The following CPPED1 variants were observed in gnomAD, a reference collection of about 807,000 sequenced individuals.
CPPED1 encodes the protein serine/threonine-protein phosphatase CPPED1.
Under a neutral mutation model 28.0 loss-of-function variants are expected in CPPED1, and 28 were observed. That is an observed-to-expected ratio of 1.00 (90% CI 0.74 to 1.37). The LOEUF is 1.37. Ranked by LOEUF, CPPED1 falls within the 40% of genes most tolerant of loss-of-function variation. CPPED1 has a pLI of 0.00. For missense variants in CPPED1, 504 were observed against 416.5 expected (o/e 1.21, Z -1.83); for synonymous variants, 198 against 180.2 (o/e 1.10, Z -0.79).
At chr16:12,763,089 G>A (rs550053482) in intron 2 of CPPED1, among the ~76,000 whole-genome samples, 18 of 151,970 alleles carry the variant, frequency 1.2e-4, no homozygotes, top group Admixed American at 5.9e-4. Context: ...AAAATTAGCC[G>A]GGTGTGGTGG....
chr16:12,767,515 T>C (rs1206924369), intron 2 of CPPED1, among the ~76,000 whole-genome samples: 1 of 152,174 alleles, frequency 6.6e-6, no homozygotes, highest in Non-Finnish European at 1.5e-5. Flanking sequence ...TGATGAGAGC[T>C]GTGGACCTTC....
At position 12,695,368 on chromosome 16, in the gene CPPED1, G is replaced by C. The variant is rs536580170; in HGVS notation, c.715+9256C>G. Among the ~76,000 whole-genome samples the C allele has an allele frequency of 8.5e-5, 13 of 152,146 alleles. No individual in the cohort carries two copies. In the South Asian group the frequency reaches 2.5e-3, roughly 29 times the overall value. Reference sequence around the variant, plus strand: ...CAGACTTGGCTTCCGGGGCTCAAGCGATCCTCCCACCTCAGCCTTCTGAGT... The same window carrying C: ...CAGACTTGGCTTCCGGGGCTCAAGCCATCCTCCCACCTCAGCCTTCTGAGT... On this transcript the variant is annotated intron_variant, in intron 3 of 3. Transcript: ENST00000381774.
rs559719532 is a variant in CPPED1, at chr16:12,799,588, C to T, written c.70+4119G>A. Among the ~76,000 whole-genome samples the T allele has an allele frequency of 6.6e-5, 10 of 152,338 alleles. No homozygotes were observed. The South Asian group carries it at 2.1e-3, about 32-fold the overall frequency. On this transcript the variant is annotated intron_variant, in intron 1 of 3. Coordinates refer to ENST00000381774, the MANE Select transcript of CPPED1 (RefSeq NM_018340.3). ...TAACTTTCTCAGTCTGCCCAAGGGG[C>T]AAATCTACTGGCTTCCCAAGGAGTC...
chr16:12,780,185 G>A (rs528571868), intron 2 of CPPED1, among the ~76,000 whole-genome samples: 188 of 151,928 alleles, frequency 1.2e-3, no homozygotes, highest in Non-Finnish European at 2.1e-3. Flanking sequence ...GTTTGTTTGT[G>A]TTTTGTTTTT....
At chr16:12,668,197 G>C (rs2079835776) in intron 3 of CPPED1, among the ~76,000 whole-genome samples, 1 of 152,108 alleles carries the variant, frequency 6.6e-6, no homozygotes, top group East Asian at 1.9e-4. Flanking sequence ...AATCTTCACT[G>C]AATGAATTGC....
intron 2 of CPPED1, among the ~76,000 whole-genome samples, chr16:12,728,922 C>A (rs1258705891): frequency 6.6e-6 from 1 of 152,180 alleles, no homozygotes; most frequent in Non-Finnish European, 1.5e-5. Flanking sequence ...GGTGAGCTCA[C>A]TGGGGCGGGA....
At chr16:12,796,689 T>G (rs903901198) in intron 1 of CPPED1, among the ~76,000 whole-genome samples, 1 of 152,138 alleles carries the variant, frequency 6.6e-6, no homozygotes, top group African/African-American at 2.4e-5. Context: ...ATATTAAACA[T>G]AGTTACCGTA....
chr16:12,800,890 C>CACTT lies in CPPED1; in HGVS notation c.70+2813_70+2816dup, dbSNP rs554467654. On this transcript the variant is annotated intron_variant, in intron 1 of 3. Transcript: ENST00000381774. ...CTCTTTTAGCAATCAGACGAAGCAACACTTCCTCAGGGAAACCCTGCGTGA... is the reference window on the plus strand; with the variant it reads ...CTCTTTTAGCAATCAGACGAAGCAACACTTACTTCCTCAGGGAAACCCTGCGTGA... Among the ~76,000 whole-genome samples, 621 of 152,212 alleles carry CACTT rather than the reference C, an allele frequency of 4.1e-3. 2 individuals are homozygous for CACTT. Among genetic ancestry groups the CACTT allele is most frequent in the Middle Eastern group, 0.017 (5 of 294 alleles).
At chr16:12,797,650 A>C (rs2080635785) in intron 1 of CPPED1, among the ~76,000 whole-genome samples, 1 of 152,208 alleles carries the variant, frequency 6.6e-6, no homozygotes, top group Non-Finnish European at 1.5e-5. Context: ...GCCACAACGG[A>C]AGAACTGTCT....
Position 12,781,184 on chromosome 16 carries a change from C to T in CPPED1, c.289+1G>A. 1.9e-6 allele frequency: 3 copies of T among 1,611,416 alleles called. No individual in the cohort carries two copies. In the South Asian group the frequency reaches 3.3e-5, roughly 18 times the overall value. On this transcript the variant is annotated splice_donor_variant, in intron 2 of 3. Transcript: ENST00000381774. LOFTEE classifies it high-confidence loss of function. The stretch of plus-strand genomic sequence containing the variant: ...GTCACAAGCGATGACCCGAGTCTTA[C>T]CTGGCATGGCGTGGATGAGGTCGCC...
intron 2 of CPPED1, among the ~76,000 whole-genome samples, chr16:12,773,807 T>C (rs550586257): frequency 1.3e-5 from 2 of 152,332 alleles, no homozygotes; most frequent in East Asian, 1.9e-4. Flanking sequence ...CAATCTGTGG[T>C]GATTTGGCAT....
chr16:12,697,083 G>A (rs1266228304), intron 3 of CPPED1, among the ~76,000 whole-genome samples: 1 of 151,966 alleles, frequency 6.6e-6, no homozygotes, highest in African/African-American at 2.4e-5. Flanking sequence ...GGAGTGCAGT[G>A]GCGCAATCTC....
At chr16:12,729,904 G>A (rs367974488) in intron 2 of CPPED1, among the ~76,000 whole-genome samples, 5 of 152,088 alleles carry the variant, frequency 3.3e-5, no homozygotes, top group East Asian at 1.9e-4. Flanking sequence ...CTCTGTTGCC[G>A]AGGCTGGAGT....
intron 3 of CPPED1, among the ~76,000 whole-genome samples, chr16:12,680,167 T>TA (rs1472959266): frequency 6.6e-6 from 1 of 152,176 alleles, no homozygotes; most frequent in Non-Finnish European, 1.5e-5. Flanking sequence ...TCAATTCCCC[T>TA]AAAAATCATT....
chr16:12,795,255 C>T (rs1190227099), intron 1 of CPPED1, among the ~76,000 whole-genome samples: 1 of 152,222 alleles, frequency 6.6e-6, no homozygotes, highest in Non-Finnish European at 1.5e-5. Context: ...AGATGTGCTC[C>T]ATGTGAGGGC....
At chr16:12,696,003 T>C (rs76720316) in intron 3 of CPPED1, among the ~76,000 whole-genome samples, 1 of 152,206 alleles carries the variant, frequency 6.6e-6, no homozygotes, top group South Asian at 2.1e-4. Context: ...GCGACTACCA[T>C]CCTTTTAAAC....
At chr16:12,712,235 G>C (rs1039063782) in intron 2 of CPPED1, among the ~76,000 whole-genome samples, 1 of 152,144 alleles carries the variant, frequency 6.6e-6, no homozygotes, top group Non-Finnish European at 1.5e-5. Flanking sequence ...AGCCCTAAGA[G>C]GTCCCTGGAA....
At chr16:12,781,083 T>C (rs1161070862) in intron 2 of CPPED1, 102 bp downstream of exon 2, 1 of 959,112 alleles carries the variant, frequency 1.0e-6, no homozygotes, top group Non-Finnish European at 1.6e-6. Flanking sequence ...GGTCCATGAC[T>C]GAGCAAAGAT....
chr16:12,686,690 T>G (rs968326031), intron 3 of CPPED1, among the ~76,000 whole-genome samples: 3 of 152,158 alleles, frequency 2.0e-5, no homozygotes, highest in African/African-American at 7.2e-5. Flanking sequence ...CATGTCTGTA[T>G]GACAACTTGG....
Sources: allele counts gnomAD v4.1 joint callset (sites outside exome capture counted in the v4.1 genomes callset), GRCh38; gene constraint gnomAD v4.1.1; transcripts MANE v1.5; gene names NCBI Gene and HGNC (gene_info 2026-07-23, HGNC 2026-07-21).